Variants in AKAIN1 observed in about 807,000 individuals in gnomAD.
AKAIN1 encodes A-kinase anchor protein inhibitor 1.
In AKAIN1, 3 loss-of-function variants were observed where a neutral mutation model predicts 3.7. The observed-to-expected ratio is 0.82, with a 90% CI of 0.37 to 2.12. The LOEUF is 2.12. AKAIN1 is among the 30% of genes most tolerant of loss of function. The probability of loss-of-function intolerance (pLI) is 0.06; values close to 1 mark genes in which losing one functional copy is unlikely to be tolerated. For synonymous variants in AKAIN1, 31 were observed against 30.8 expected, an observed-to-expected ratio of 1.01 and a Z score of -0.02; for missense variants, 82 against 82.7, an observed-to-expected ratio of 0.99 and a Z score of 0.03.
chr18:5,146,469 T>C (rs2071049838), intron 1 of AKAIN1, among the ~76,000 whole-genome samples: 1 of 152,234 alleles, frequency 6.6e-6, no homozygotes, highest in African/African-American at 2.4e-5. Context: ...TCAGGTTTTA[T>C]GTTACTTGCA....
intron 1 of AKAIN1, among the ~76,000 whole-genome samples, chr18:5,182,667 G>A (rs2071265113): frequency 6.6e-6 from 1 of 152,066 alleles, no homozygotes; most frequent in Admixed American, 6.6e-5. Context: ...CAATTCCATT[G>A]ATTTTCACCT....
chr18:5,195,049 A>G (rs1273570042), intron 1 of AKAIN1, among the ~76,000 whole-genome samples: 1 of 152,206 alleles, frequency 6.6e-6, no homozygotes, highest in African/African-American at 2.4e-5. Context: ...AATGATCCAT[A>G]GATGAGAAGG....
intron 1 of AKAIN1, among the ~76,000 whole-genome samples, chr18:5,156,934 T>G (rs2071111865): frequency 6.6e-6 from 1 of 152,182 alleles, no homozygotes; most frequent in African/African-American, 2.4e-5. Context: ...CCTCCAGCTA[T>G]CCTCAATTTC....
chr18:5,164,365 C>T (rs2071156131), intron 1 of AKAIN1, among the ~76,000 whole-genome samples: 1 of 152,004 alleles, frequency 6.6e-6, no homozygotes, highest in African/African-American at 2.4e-5. Context: ...GTAAGGTTAA[C>T]ATAACTTAGG....
intron 1 of AKAIN1, among the ~76,000 whole-genome samples, chr18:5,169,322 C>A (rs748590525): frequency 2.0e-5 from 3 of 152,018 alleles, no homozygotes; most frequent in Non-Finnish European, 2.9e-5. Flanking sequence ...AACATCTAGA[C>A]AGGTGTTTGG....
rs377159766 is a variant in AKAIN1 at position 5,158,836 on chromosome 18, C to G, written c.17-13081G>C. ...GAGACACTGGGTTTGGATCCCATTT[C>G]AGGGCCTTTCTGAGTTCACCTGAAC... On this transcript the variant is annotated intron_variant, in intron 1 of 1. Coordinates refer to ENST00000434239, the MANE Select transcript of AKAIN1 (RefSeq NM_001145194.2). 6.5e-4 allele frequency among the ~76,000 whole-genome samples: 99 copies of G among 152,300 alleles called. 5 individuals are homozygous for G. In the South Asian group the frequency reaches 0.019, roughly 30 times the overall value.
intron 1 of AKAIN1, among the ~76,000 whole-genome samples, chr18:5,163,357 T>C (rs2071150226): frequency 6.6e-6 from 1 of 152,074 alleles, no homozygotes; most frequent in South Asian, 2.1e-4. Context: ...TCTCCAGGCC[T>C]CAAACCAGGA....
At chr18:5,163,219 T>C (rs2071149571) in intron 1 of AKAIN1, among the ~76,000 whole-genome samples, 1 of 152,044 alleles carries the variant, frequency 6.6e-6, no homozygotes, top group Admixed American at 6.6e-5. Flanking sequence ...AATTCTGCCT[T>C]TTCCATGTAC....
chr18:5,168,769 T>C (rs1215089700), intron 1 of AKAIN1, among the ~76,000 whole-genome samples: 1 of 151,622 alleles, frequency 6.6e-6, no homozygotes, highest in Non-Finnish European at 1.5e-5. Context: ...TCATAAACCA[T>C]TACCCAACAG....
intron 1 of AKAIN1, among the ~76,000 whole-genome samples, chr18:5,196,073 T>G (rs78643493): frequency 0.018 from 2,732 of 152,290 alleles, 38 homozygotes; most frequent in Middle Eastern, 0.031. Flanking sequence ...CTGAAGCCCA[T>G]GACCACAGCA....
At chr18:5,155,669 C>G (rs1482235929) in intron 1 of AKAIN1, among the ~76,000 whole-genome samples, 3 of 152,220 alleles carry the variant, frequency 2.0e-5, no homozygotes, top group Non-Finnish European at 4.4e-5. Flanking sequence ...AACCACCAGG[C>G]TGGCCCGAAC....
intron 1 of AKAIN1, among the ~76,000 whole-genome samples, chr18:5,158,236 A>G (rs917267984): frequency 6.6e-6 from 1 of 151,886 alleles, no homozygotes; most frequent in South Asian, 2.1e-4. Context: ...TCTTCCCCCA[A>G]TTTCTCTGCT....
At chr18:5,155,617 C>A (rs1307056905) in intron 1 of AKAIN1, among the ~76,000 whole-genome samples, 1 of 152,156 alleles carries the variant, frequency 6.6e-6, no homozygotes, top group African/African-American at 2.4e-5. Flanking sequence ...CATTCTTCAG[C>A]TGACAAACAG....
intron 1 of AKAIN1, among the ~76,000 whole-genome samples, chr18:5,172,799 A>G (rs1362268222): frequency 6.6e-6 from 1 of 151,980 alleles, no homozygotes; most frequent in African/African-American, 2.4e-5. Flanking sequence ...TATTTATAAA[A>G]CCCCCTCTAA....
At chr18:5,175,388 C>T (rs147583443) in intron 1 of AKAIN1, among the ~76,000 whole-genome samples, 5 of 152,250 alleles carry the variant, frequency 3.3e-5, no homozygotes, top group South Asian at 4.1e-4. Context: ...GCTTAGAACA[C>T]GAAAAGAGAT....
intron 1 of AKAIN1, among the ~76,000 whole-genome samples, chr18:5,193,502 T>G (rs935632239): frequency 6.6e-6 from 1 of 152,132 alleles, no homozygotes; most frequent in Non-Finnish European, 1.5e-5. Context: ...TAGCTCTTCC[T>G]CAAGGAAGAA....
upstream of AKAIN1, chr18:5,197,376 A>G (rs931415222): frequency 1.6e-6 from 2 of 1,264,556 alleles, no homozygotes; most frequent in South Asian, 5.6e-5. The surrounding 1 kb of genome is among the most constrained non-coding windows in gnomAD (Gnocchi z 6.9). Context: ...CACCGCTTTC[A>G]CGCGACGAAG....
chr18:5,176,674 T>A (rs893541845), intron 1 of AKAIN1, among the ~76,000 whole-genome samples: 5 of 152,160 alleles, frequency 3.3e-5, no homozygotes, highest in Non-Finnish European at 7.3e-5. Context: ...CACATCTCTT[T>A]CTTTCATAAA....
chr18:5,160,819 C>T (rs2071135003), intron 1 of AKAIN1, among the ~76,000 whole-genome samples: 1 of 152,072 alleles, frequency 6.6e-6, no homozygotes, highest in South Asian at 2.1e-4. Context: ...TTGGCCTTTC[C>T]CTACTGACTT....
Sources: gnomAD v4.1 joint callset for allele counts (sites outside exome capture counted in the v4.1 genomes callset) on GRCh38, gnomAD v4.1.1 for gene constraint, Gnocchi (gnomAD v3.1) non-coding constraint, MANE v1.5 for transcripts, NCBI Gene and HGNC (gene_info 2026-07-23, HGNC 2026-07-21) for gene names.